Variants in POU6F2 observed in about 807,000 individuals in gnomAD.
POU6F2 encodes POU domain, class 6, transcription factor 2.
POU6F2 carries 31 observed loss-of-function variants against 71.3 expected under a neutral mutation model. The ratio of observed to expected loss-of-function variants is 0.43; its 90% CI spans 0.33 to 0.59. The LOEUF is 0.59. Ranked by LOEUF, POU6F2 falls within the 20% of genes least tolerant of loss-of-function variation. POU6F2 has a pLI of 0.04. For synonymous variants in POU6F2, 347 were observed against 355.7 expected (o/e 0.98, Z 0.27); for missense variants, 783 against 856.8 (o/e 0.91, Z 1.07).
intron 2 of POU6F2, among the ~76,000 whole-genome samples, chr7:39,174,988 G>A (rs963559632): frequency 1.3e-5 from 2 of 152,094 alleles, no homozygotes; most frequent in Non-Finnish European, 2.9e-5. Context: ...CCTCTCTCCA[G>A]TGTTTGATGC....
At chr7:39,362,284 A>G (rs1215929966) in intron 5 of POU6F2, among the ~76,000 whole-genome samples, 34 of 145,822 alleles carry the variant, frequency 2.3e-4, no homozygotes, top group South Asian at 4.2e-4. Context: ...ATGGCCAGAA[A>G]AAAAAAAAAA....
intron 4 of POU6F2, among the ~76,000 whole-genome samples, chr7:39,324,007 C>T (rs1785455127): frequency 6.6e-6 from 1 of 151,242 alleles, no homozygotes; most frequent in African/African-American, 2.4e-5. Context: ...ACTTGGGAGG[C>T]TGAGGCAGGA....
intron 5 of POU6F2, among the ~76,000 whole-genome samples, chr7:39,375,479 CCCCCAACCTT>C (rs1304133010): frequency 4.6e-5 from 7 of 152,108 alleles, no homozygotes; most frequent in Non-Finnish European, 1.0e-4. Context: ...TCCTCCCAGC[CCCCCAACCTT>C]CCACGGAGGC....
At chr7:39,314,303 C>T (rs1785221793) in intron 4 of POU6F2, among the ~76,000 whole-genome samples, 2 of 151,878 alleles carry the variant, frequency 1.3e-5, no homozygotes, top group Admixed American at 6.6e-5. Flanking sequence ...ATTGAGCAAG[C>T]AGATCATCCC....
chr7:39,233,732 C>A (rs975356741), intron 4 of POU6F2, among the ~76,000 whole-genome samples: 1 of 152,146 alleles, frequency 6.6e-6, no homozygotes. Flanking sequence ...ATGCCACCCC[C>A]CAACACACAA....
chr7:39,298,180 A>G (rs1784887542), intron 4 of POU6F2, among the ~76,000 whole-genome samples: 1 of 152,230 alleles, frequency 6.6e-6, no homozygotes, highest in Admixed American at 6.5e-5. Flanking sequence ...TAACTAAACT[A>G]GAGAGCTTCT....
At chr7:39,342,929 G>T (rs536727595) in intron 5 of POU6F2, among the ~76,000 whole-genome samples, 1 of 152,320 alleles carries the variant, frequency 6.6e-6, no homozygotes, top group Admixed American at 6.5e-5. Context: ...GAGACGCACA[G>T]GTAGGGGGAT....
At chr7:39,443,288 C>T (rs905850664) in intron 7 of POU6F2, among the ~76,000 whole-genome samples, 5 of 152,240 alleles carry the variant, frequency 3.3e-5, no homozygotes, top group Non-Finnish European at 7.3e-5. Flanking sequence ...ATGTCAGCTA[C>T]AACCAGCATC....
At chr7:39,270,280 G>T (rs1448955520) in intron 4 of POU6F2, among the ~76,000 whole-genome samples, 1 of 152,192 alleles carries the variant, frequency 6.6e-6, no homozygotes, top group African/African-American at 2.4e-5. Context: ...TGACATGAGG[G>T]AGCAAACACA....
At chr7:39,457,142 C>T (rs540297478) in intron 8 of POU6F2, among the ~76,000 whole-genome samples, 1 of 152,154 alleles carries the variant, frequency 6.6e-6, no homozygotes, top group Non-Finnish European at 1.5e-5. Flanking sequence ...GACACATAAA[C>T]AATAGAGACG....
At chr7:39,324,422 CAAA>C (rs993607021) in intron 4 of POU6F2, among the ~76,000 whole-genome samples, 10 of 152,336 alleles carry the variant, frequency 6.6e-5, no homozygotes, top group African/African-American at 2.2e-4. Flanking sequence ...TTCTCACTCT[CAAA>C]AGCTCTCTTT....
chr7:39,300,278 AG>A (rs1784928665), intron 4 of POU6F2, among the ~76,000 whole-genome samples: 1 of 152,238 alleles, frequency 6.6e-6, no homozygotes, highest in Admixed American at 6.5e-5. Context: ...GCCAGAATTC[AG>A]TTGTGTGGAA....
intron 4 of POU6F2, among the ~76,000 whole-genome samples, chr7:39,209,334 G>C (rs1394619816): frequency 6.6e-6 from 1 of 152,118 alleles, no homozygotes; most frequent in Non-Finnish European, 1.5e-5. Flanking sequence ...TCTTATCCCT[G>C]GGCACTTCTG....
chr7:39,453,487 G>A (rs1192562925), intron 8 of POU6F2, among the ~76,000 whole-genome samples: 2 of 152,186 alleles, frequency 1.3e-5, no homozygotes, highest in Non-Finnish European at 2.9e-5. Context: ...GAAGAAATAA[G>A]TTAAATATGA....
At chr7:39,116,171 G>A (rs1035127717) in intron 2 of POU6F2, among the ~76,000 whole-genome samples, 6 of 152,194 alleles carry the variant, frequency 3.9e-5, no homozygotes, top group Non-Finnish European at 8.8e-5. Flanking sequence ...GATCGCTTGA[G>A]CCCAGGAGTT....
chr7:39,394,605 G>A (rs1787136515), intron 5 of POU6F2, among the ~76,000 whole-genome samples: 1 of 152,136 alleles, frequency 6.6e-6, no homozygotes, highest in African/African-American at 2.4e-5. Flanking sequence ...TCCATCTCCT[G>A]TCTTAGGTGT....
chr7:39,001,849 G>T (rs1458653776), intron 1 of POU6F2, among the ~76,000 whole-genome samples: 1 of 151,962 alleles, frequency 6.6e-6, no homozygotes, highest in Admixed American at 6.6e-5. Flanking sequence ...TGATAGTCAT[G>T]GTGATGTGAT....
intron 7 of POU6F2, among the ~76,000 whole-genome samples, chr7:39,446,229 C>T (rs912846203): frequency 6.6e-6 from 1 of 152,218 alleles, no homozygotes; most frequent in East Asian, 1.9e-4. Context: ...CATTGCAGCA[C>T]GGGGTGGGTT....
At chr7:39,097,844 A>G (rs527390615) in intron 2 of POU6F2, among the ~76,000 whole-genome samples, 2 of 152,352 alleles carry the variant, frequency 1.3e-5, no homozygotes, top group South Asian at 4.1e-4. Flanking sequence ...ATACATTGAC[A>G]TTCTATTTTA....
Sources: allele counts gnomAD v4.1 joint callset (sites outside exome capture counted in the v4.1 genomes callset), GRCh38; gene constraint gnomAD v4.1.1; transcripts MANE v1.5; gene names NCBI Gene and HGNC (gene_info 2026-07-23, HGNC 2026-07-21).